The following UNC45B variants were observed in gnomAD, a reference collection of about 807,000 sequenced individuals.
UNC45B encodes protein unc-45 homolog B.
UNC45B carries 78 observed loss-of-function variants against 98.7 expected under a neutral mutation model. The ratio of observed to expected loss-of-function variants is 0.79; its 90% CI spans 0.66 to 0.95. The LOEUF is 0.95. Among genes scored for constraint, UNC45B ranks in the 40% least tolerant of loss-of-function variants. The probability of loss-of-function intolerance (pLI) is 0.00; values close to 1 mark genes in which losing one functional copy is unlikely to be tolerated. For missense variants in UNC45B, 1,225 were observed against 1,184.9 expected (o/e 1.03, Z -0.50); for synonymous variants, 462 against 480.4 (o/e 0.96, Z 0.50).
intron 7 of UNC45B, 41 bp downstream of exon 7, chr17:35,155,505 A>C: frequency 6.2e-7 from 1 of 1,601,948 alleles, no homozygotes. Flanking sequence ...GGGATGGGGA[A>C]AGAAAAGGTC....
At position 35,154,667 on chromosome 17, in the gene UNC45B, G is replaced by A; in HGVS notation, c.565G>A (p.Asp189Asn). The change falls in exon 6 of 20, where the codon GAC (aspartate) becomes AAC (asparagine). Residue 189 changes from aspartate (D) to asparagine (N), a missense_variant. Transcript: ENST00000394570. ...AGTAGCCTTGCTACTGCAGCTTCTGGACACTAAGAAGCCTGAGCTGGTGCT... is the reference window on the plus strand; with the variant it reads ...AGTAGCCTTGCTACTGCAGCTTCTGAACACTAAGAAGCCTGAGCTGGTGCT... ...NGVALLLQLL[D>N]TKKPELVLAA... The A allele has an allele frequency of 1.2e-6, 2 of 1,612,844 alleles. No homozygotes were observed. Among genetic ancestry groups the A allele is most frequent in the Non-Finnish European group, 1.7e-6 (2 of 1,179,742 alleles).
chr17:35,168,308 A>T lies in UNC45B; in HGVS notation c.1399A>T (p.Lys467Ter), dbSNP rs768972921. The stretch of plus-strand genomic sequence containing the variant: ...CATCACCAATGGAGTGTCACTGCTC[A>T]AACAGATCTACAAGACCACCAAAAA... ...FIITNGVSLL[K>*]QIYKTTKNEK... Residue 467 changes from lysine (K) to a stop codon, truncating the protein, a stop_gained, in exon 10 of 20, where the codon AAA becomes TAA. Coordinates refer to ENST00000394570, the MANE Select transcript of UNC45B (RefSeq NM_001267052.2). LOFTEE classifies it high-confidence loss of function. The T allele has an allele frequency of 1.4e-6, 2 of 1,440,832 alleles. No homozygotes were observed. The highest frequency in any genetic ancestry group is 1.8e-6 in the Non-Finnish European group (2 of 1,088,398). The allele number at this position is 1,440,832 out of a possible 1,614,324, so 89.3% of individuals were successfully genotyped here.
chr17:35,177,770 A>C (rs913651779), intron 17 of UNC45B, among the ~76,000 whole-genome samples, 160 bp downstream of exon 17: 5 of 152,204 alleles, frequency 3.3e-5, no homozygotes, highest in Non-Finnish European at 5.9e-5. Flanking sequence ...CAGTGACTAT[A>C]CCAAAGCCAA....
At chr17:35,172,844 G>A (rs1313760385) in intron 13 of UNC45B, among the ~76,000 whole-genome samples, 3 of 152,010 alleles carry the variant, frequency 2.0e-5, no homozygotes, top group African/African-American at 7.3e-5. Context: ...AACAATATAC[G>A]CATCATTTAG....
intron 18 of UNC45B, among the ~76,000 whole-genome samples, chr17:35,181,101 A>T (rs1789595178): frequency 6.6e-6 from 1 of 152,238 alleles, no homozygotes; most frequent in Non-Finnish European, 1.5e-5. Context: ...CCATTTTAGG[A>T]TGTCTCAAAT....
intron 14 of UNC45B, among the ~76,000 whole-genome samples, chr17:35,174,969 A>AAG (rs1220077422): frequency 6.7e-6 from 1 of 148,432 alleles, no homozygotes; most frequent in African/African-American, 2.5e-5. Context: ...AAGAGAAAGA[A>AAG]AGAGGAAGAA....
Position 35,164,182 on chromosome 17 carries a change from G to T in UNC45B, c.1151+16G>T, listed in dbSNP as rs1306704321. On this transcript the variant is annotated intron_variant, in intron 9 of 19. Transcript: ENST00000394570. ...AATATATCACGTAAGTTTCCTGGAG[G>T]CCTCACAGGGTCAGGCTCTGTCTTG... is the stretch of plus-strand genomic sequence containing the variant. 3.8e-6 allele frequency: 6 copies of T among 1,599,728 alleles called. No homozygotes were observed. Among genetic ancestry groups the T allele is most frequent in the Non-Finnish European group, 5.1e-6 (6 of 1,172,048 alleles).
At chr17:35,153,023 G>C (rs201868610) in intron 5 of UNC45B, 41 bp downstream of exon 5, 55 of 1,532,344 alleles carry the variant, frequency 3.6e-5, no homozygotes, top group Non-Finnish European at 4.8e-5. Context: ...AGAAGGACCC[G>C]CCAGTCTGGA....
intron 7 of UNC45B, among the ~76,000 whole-genome samples, chr17:35,157,008 T>TA (rs1308866756): frequency 6.6e-6 from 1 of 152,208 alleles, no homozygotes; most frequent in East Asian, 1.9e-4. Context: ...ATCCAGGTCC[T>TA]AGGCATCAAT....
chr17:35,166,689 G>T (rs2092143929), intron 9 of UNC45B, among the ~76,000 whole-genome samples: 1 of 152,192 alleles, frequency 6.6e-6, no homozygotes, highest in Non-Finnish European at 1.5e-5. Context: ...GGTTCCCTGG[G>T]CACTGAGTGG....
intron 19 of UNC45B, among the ~76,000 whole-genome samples, chr17:35,186,034 G>A (rs990718821): frequency 3.9e-5 from 6 of 152,178 alleles, no homozygotes; most frequent in Admixed American, 2.6e-4. Flanking sequence ...GTGTGTGTGT[G>A]TGAAAAGGAT....
rs375852086 is a variant in UNC45B, at chr17:35,168,742, T to C, written c.1452+381T>C. On this transcript the variant is annotated intron_variant, in intron 10 of 19. Coordinates refer to ENST00000394570, the MANE Select transcript of UNC45B (RefSeq NM_001267052.2). ...GTTTTTTTGAGATGGAGTCTCACTC[T>C]GTCACCTAGGCTGGAGTGTAGCAGC... 6.6e-4 allele frequency among the ~76,000 whole-genome samples: 100 copies of C among 152,362 alleles called. 2 individuals carry two copies. In the East Asian group the frequency reaches 0.016, roughly 24 times the overall value.
rs747689102 is a variant in UNC45B at position 35,149,005 on chromosome 17, C to T, written c.201C>T (p.Ser67=). The T allele has an allele frequency of 1.2e-6, 2 of 1,614,132 alleles. No homozygotes were observed. Among genetic ancestry groups the T allele is most frequent in the Non-Finnish European group, 1.7e-6 (2 of 1,180,024 alleles). The change falls in exon 3 of 20, where the codon TCC becomes TCT. Residue 67 remains serine, a synonymous_variant. Coordinates refer to ENST00000394570, the MANE Select transcript of UNC45B (RefSeq NM_001267052.2). ...ACGTCCAGGCAGCTTCAGATGCCTC[C>T]AGAGGTGAGCCCCTCCCACCTCCAA... ...ESYVQAASDA[S]RAIDINSSDI... is the part of the protein sequence containing the mutation.
chr17:35,157,444 C>T (rs930368283), intron 7 of UNC45B, among the ~76,000 whole-genome samples: 16 of 152,020 alleles, frequency 1.1e-4, no homozygotes, highest in African/African-American at 1.2e-4. Context: ...TCAGGTGATC[C>T]GCCCGCCTCT....
At chr17:35,167,610 A>C (rs151055393) in intron 9 of UNC45B, among the ~76,000 whole-genome samples, 1 of 150,788 alleles carries the variant, frequency 6.6e-6, no homozygotes, top group East Asian at 1.9e-4. Flanking sequence ...AGCAAGACTC[A>C]GTCTCAAAAA....
intron 18 of UNC45B, among the ~76,000 whole-genome samples, chr17:35,182,682 C>T (rs1451569319): frequency 6.6e-6 from 1 of 152,154 alleles, no homozygotes; most frequent in Admixed American, 6.5e-5. Context: ...CTCTGCCATG[C>T]TCTCACCTCC....
In UNC45B at chr17:35,186,779, T is replaced by C; in HGVS notation, c.*220T>C. On this transcript the variant is annotated 3_prime_UTR_variant, in exon 20 of 20. Coordinates refer to ENST00000394570, the MANE Select transcript of UNC45B (RefSeq NM_001267052.2). The stretch of plus-strand genomic sequence containing the variant: ...CTCTCTTGCTTCCTGTCTCCTTATA[T>C]TTGTCATGTTTCAGAAATTCCCAGA... 1 of 449,166 alleles carries C rather than the reference T, an allele frequency of 2.2e-6. No individual in the cohort carries two copies. The highest frequency in any genetic ancestry group is 3.9e-5 in the South Asian group (1 of 25,400). The allele number at this position is 449,166 out of a possible 1,614,324, so 27.8% of individuals were successfully genotyped here.
chr17:35,163,909 CTGA>C, intron 8 of UNC45B, 83 bp from the exon 9 acceptor site: 1 of 1,391,782 alleles, frequency 7.2e-7, no homozygotes, highest in Non-Finnish European at 9.7e-7. Flanking sequence ...TGGAGAGAAG[CTGA>C]TGATAACAAG....
chr17:35,160,614 CT>C (rs778546834), intron 8 of UNC45B, among the ~76,000 whole-genome samples: 10 of 152,110 alleles, frequency 6.6e-5, no homozygotes, highest in Admixed American at 1.3e-4. Context: ...TAATGTTTTT[CT>C]TTTGTAGAGA....
Sources: gnomAD v4.1 joint callset for allele counts (sites outside exome capture counted in the v4.1 genomes callset) on GRCh38, gnomAD v4.1.1 for gene constraint, MANE v1.5 for transcripts, NCBI Gene and HGNC (gene_info 2026-07-23, HGNC 2026-07-21) for gene names.